Variants in FAM50A observed in about 807,000 individuals in gnomAD.
FAM50A encodes protein FAM50A.
In FAM50A, 6 loss-of-function variants were observed where a neutral mutation model predicts 35.5. That is an observed-to-expected ratio of 0.17 (90% CI 0.09 to 0.33). The LOEUF (loss-of-function observed/expected upper bound fraction) is 0.33, where lower values mean the gene tolerates loss of function less well. Among genes scored for constraint, FAM50A ranks in the 10% least tolerant of loss-of-function variants. The pLI, the probability that FAM50A is intolerant of heterozygous loss-of-function variation, is 1.00. For synonymous variants in FAM50A, 120 were observed against 110.9 expected (o/e 1.08, Z -0.52); for missense variants, 145 against 295.5 (o/e 0.49, Z 3.73).
Position 154,446,517 on chromosome X carries a change from G to A in FAM50A, c.399G>A (p.Glu133=). 3 of 1,193,942 alleles carry A rather than the reference G, an allele frequency of 2.5e-6. No homozygotes were observed. The highest frequency in any genetic ancestry group is 3.4e-6 in the Non-Finnish European group (3 of 882,696). The change falls in exon 4 of 13, where the codon GAG becomes GAA. Residue 133 remains glutamate (E), a synonymous_variant. Coordinates refer to ENST00000393600, the MANE Select transcript of FAM50A (RefSeq NM_004699.4). ...TLEEEEEGGE[E]EEEAAMYEEE... The stretch of plus-strand genomic sequence containing the variant: ...AGGAGGAAGAAGAGGGAGGCGAGGA[G>A]GAAGAGGAGGCGGCCATGTATGAGG...
At chrX:154,449,823 G>A in intron 9 of FAM50A, 60 bp from the exon 10 acceptor site, 1 of 1,190,767 alleles carries the variant, frequency 8.4e-7, no homozygotes, top group Non-Finnish European at 1.1e-6. Flanking sequence ...GCAGGCGGGG[G>A]GTGTGGGGAG....
chrX:154,448,776 G>C lies in FAM50A; in HGVS notation c.586+20G>C, dbSNP rs782565720. On this transcript the variant is annotated intron_variant, in intron 6 of 12. Coordinates refer to ENST00000393600, the MANE Select transcript of FAM50A (RefSeq NM_004699.4). ...TCAAGAGTGAGTGTTTGCGGAGTCA[G>C]ACGCGAGGGGCCTGGGCCCAAGCCA... is the stretch of plus-strand genomic sequence containing the variant. 8.3e-7 allele frequency: 1 copy of C among 1,204,761 alleles called. No individual in the cohort carries two copies. The highest frequency in any genetic ancestry group is 1.7e-5 in the African/African-American group (1 of 57,614).
At chrX:154,450,159 C>G in intron 11 of FAM50A, 50 bp from the exon 12 acceptor site, 1 of 1,199,732 alleles carries the variant, frequency 8.3e-7, no homozygotes, top group Non-Finnish European at 1.1e-6. Context: ...GAGGAGAAGC[C>G]AAGGGAAGGG....
intron 1 of FAM50A, 44 bp downstream of exon 1, chrX:154,444,390 C>CT (rs2068773148): frequency 3.9e-6 from 3 of 766,954 alleles, no homozygotes; most frequent in South Asian, 2.9e-5. Context: ...GCCCAGGTCC[C>CT]CGGCGGCCCC....
chrX:154,450,200 C>G lies in FAM50A; in HGVS notation c.901-9C>G. On this transcript the variant is annotated splice_polypyrimidine_tract_variant and intron_variant, in intron 11 of 12. Transcript: ENST00000393600. ...CAGCAGGCGGCCCTGTGCCCTCTTC[C>G]TCCCTTAGTCCCATGCAGGCAAGGT... 1.7e-6 allele frequency: 2 copies of G among 1,208,230 alleles called. No homozygotes were observed. Among genetic ancestry groups the G allele is most frequent in the Non-Finnish European group, 2.2e-6 (2 of 892,267 alleles).
intron 10 of FAM50A, 26 bp from the exon 11 acceptor site, chrX:154,450,003 A>T: frequency 8.3e-7 from 1 of 1,210,011 alleles, no homozygotes; most frequent in South Asian, 1.8e-5. Context: ...GCAGCGGGAC[A>T]TTGGGCTGTC....
At chrX:154,449,403 C>T (rs782268721) in intron 8 of FAM50A, 106 bp downstream of exon 8, 9 of 647,101 alleles carry the variant, frequency 1.4e-5, no homozygotes, top group Admixed American at 7.3e-5. Flanking sequence ...AAGCAAGCAG[C>T]GTGCTGGGCA....
chrX:154,447,481 A>T (rs1453157413), intron 4 of FAM50A, among the ~76,000 whole-genome samples: 1 of 112,210 alleles, frequency 8.9e-6, no homozygotes, highest in African/African-American at 3.2e-5. Context: ...CAGCAGCCAC[A>T]GTAAAACATA....
chrX:154,449,729 C>T lies in FAM50A; in HGVS notation c.774C>T (p.Ile258=). ...TGTACATCAAGGAGGACTTGATCATCCCTCACGTGAGTCCCTTCAGCCCCA... is the reference window on the plus strand; with the variant it reads ...TGTACATCAAGGAGGACTTGATCATTCCTCACGTGAGTCCCTTCAGCCCCA... The part of the protein sequence containing the change: ...QLMYIKEDLI[I]PHHHSFYDFI... Residue 258 remains isoleucine, a synonymous_variant, in exon 9 of 13, where the codon ATC becomes ATT. Coordinates refer to ENST00000393600, the MANE Select transcript of FAM50A (RefSeq NM_004699.4). The T allele has an allele frequency of 3.3e-6, 4 of 1,208,646 alleles. No individual in the cohort carries two copies. Among genetic ancestry groups the T allele is most frequent in the Non-Finnish European group, 4.5e-6 (4 of 892,606 alleles).
chrX:154,448,607 G>A (rs199769790), intron 5 of FAM50A, 47 bp downstream of exon 5: 269 of 1,183,753 alleles, frequency 2.3e-4, no homozygotes, highest in Non-Finnish European at 2.7e-4. Context: ...CAGCCCTGGT[G>A]GAGACCCTTG....
intron 12 of FAM50A, 24 bp from the exon 13 acceptor site, chrX:154,450,400 C>G: frequency 1.7e-6 from 2 of 1,211,493 alleles, no homozygotes; most frequent in Non-Finnish European, 2.2e-6. Flanking sequence ...CTTGTCTCCT[C>G]TGCCCACCTT....
Position 154,448,072 on chromosome X carries a change from C to CTTTTTTTTTTTTTTTTTTTTT in FAM50A, c.443-398_443-397insTTTTTTTTTTTTTTTTTTTTT, listed in dbSNP as rs781847663. ...TGTTGTTCTTTTCTTTTTTTTCTTT[C>CTTTTTTTTTTTTTTTTTTTTT]TTTTTTTTTTTTTTGAGATGAGGTC... On this transcript the variant is annotated intron_variant, in intron 4 of 12. Transcript: ENST00000393600. Among the ~76,000 whole-genome samples, 164 of 82,811 alleles carry CTTTTTTTTTTTTTTTTTTTTT rather than the reference C, an allele frequency of 2.0e-3. 13 individuals carry two copies. Among genetic ancestry groups the CTTTTTTTTTTTTTTTTTTTTT allele is most frequent in the African/African-American group, 6.9e-3 (124 of 17,999 alleles). The allele number at this position is 82,811 out of a possible 115,157, so 71.9% of individuals were successfully genotyped here.
At chrX:154,445,161 C>T (rs782810038) in intron 1 of FAM50A, among the ~76,000 whole-genome samples, 3 of 111,316 alleles carry the variant, frequency 2.7e-5, no homozygotes, top group South Asian at 7.5e-4. Context: ...CACTGGTCAG[C>T]GAGGGCTTGA....
chrX:154,450,350 G>A (rs782696334), intron 12 of FAM50A, 31 bp downstream of exon 12: 3 of 1,203,565 alleles, frequency 2.5e-6, no homozygotes, highest in Middle Eastern at 2.3e-4. Flanking sequence ...ACCCCTCCAA[G>A]TTGGGGACGG....
At chrX:154,448,343 C>A in intron 4 of FAM50A, 141 bp from the exon 5 acceptor site, 1 of 497,681 alleles carries the variant, frequency 2.0e-6, no homozygotes, top group Non-Finnish European at 3.5e-6. Context: ...GTTGGGTTGA[C>A]AAGCGTGAGC....
chrX:154,448,912 C>T lies in FAM50A; in HGVS notation c.606C>T (p.Thr202=), dbSNP rs1237593038. The change falls in exon 7 of 13, where the codon ACC becomes ACT. Residue 202 remains threonine, a synonymous_variant. Coordinates refer to ENST00000393600, the MANE Select transcript of FAM50A (RefSeq NM_004699.4). ...TTGTAGGTGAGGAGATCGAGATCAC[C>T]TTCAGCTACTGGGATGGCTCTGGGC... ...EKIKSEEIEI[T]FSYWDGSGHR... 5 of 1,210,020 alleles carry T rather than the reference C, an allele frequency of 4.1e-6. No individual in the cohort carries two copies. The African/African-American group carries it at 7.0e-5, about 17-fold the overall frequency.
Position 154,450,469 on chromosome X carries a change from C to G in FAM50A, c.*37C>G, listed in dbSNP as rs375341033. The G allele has an allele frequency of 8.3e-7, 1 of 1,199,278 alleles. No homozygotes were observed. The highest frequency in any genetic ancestry group is 1.1e-6 in the Non-Finnish European group (1 of 885,854). On this transcript the variant is annotated 3_prime_UTR_variant, in exon 13 of 13. Coordinates refer to ENST00000393600, the MANE Select transcript of FAM50A (RefSeq NM_004699.4). ...GCTGCGCGGCCCCGGCTCCTCAGCT[C>G]CCTCAGTGTGCCCCGTGGTGTCACC...
In FAM50A at chrX:154,448,721, G is replaced by A. The variant is rs782391233; in HGVS notation, c.551G>A (p.Arg184Gln). Residue 184 changes from arginine to glutamine, a missense_variant, in exon 6 of 13, where the codon CGG (arginine) becomes CAG (glutamine). Arg to Gln is a conservative substitution (Grantham distance 43). Coordinates refer to ENST00000393600, the MANE Select transcript of FAM50A (RefSeq NM_004699.4). ...EEENRLREEL[R>Q]QEWEAKQEKI... ...GAGAATCGGCTTCGGGAAGAGCTGCGGCAGGAGTGGGAAGCCAAGCAGGAG... is the reference window on the plus strand; with the variant it reads ...GAGAATCGGCTTCGGGAAGAGCTGCAGCAGGAGTGGGAAGCCAAGCAGGAG... 3 of 1,210,067 alleles carry A rather than the reference G, an allele frequency of 2.5e-6. No individual in the cohort carries two copies. The highest frequency in any genetic ancestry group is 2.2e-6 in the Non-Finnish European group (2 of 894,947).
chrX:154,450,489 G>A lies in FAM50A; in HGVS notation c.*57G>A. 3 of 1,167,234 alleles carry A rather than the reference G, an allele frequency of 2.6e-6. No homozygotes were observed. Among genetic ancestry groups the A allele is most frequent in the Non-Finnish European group, 3.5e-6 (3 of 859,737 alleles). On this transcript the variant is annotated 3_prime_UTR_variant, in exon 13 of 13. Coordinates refer to ENST00000393600, the MANE Select transcript of FAM50A (RefSeq NM_004699.4). ...CAGCTCCCTCAGTGTGCCCCGTGGT[G>A]TCACCGGGACTCCAGGCACCCGCTC... is the stretch of plus-strand genomic sequence containing the variant.
Sources: gnomAD v4.1 joint callset for allele counts (sites outside exome capture counted in the v4.1 genomes callset) on GRCh38, gnomAD v4.1.1 for gene constraint, MANE v1.5 for transcripts, NCBI Gene and HGNC (gene_info 2026-07-23, HGNC 2026-07-21) for gene names.